The following SEC11C variants were observed in gnomAD, a reference collection of about 807,000 sequenced individuals.
The protein encoded by SEC11C is SEC11 homolog C, signal peptidase complex subunit, also known as signal peptidase complex catalytic subunit SEC11C.
SEC11C carries 10 observed loss-of-function variants against 21.9 expected under a neutral mutation model. The observed-to-expected ratio is 0.46, with a 90% confidence interval of 0.28 to 0.77. SEC11C has a LOEUF of 0.77. Among genes scored for constraint, SEC11C ranks in the 30% least tolerant of loss-of-function variants. SEC11C has a pLI of 0.12. For synonymous variants in SEC11C, 83 were observed against 85.6 expected (o/e 0.97, Z 0.17); for missense variants, 145 against 244.5 (o/e 0.59, Z 2.71).
intron 2 of SEC11C, among the ~76,000 whole-genome samples, chr18:59,150,880 G>T (rs533568859): frequency 6.6e-6 from 1 of 152,186 alleles, no homozygotes; most frequent in East Asian, 1.9e-4. Flanking sequence ...GCCAACATTA[G>T]ATCTGAGATT....
At chr18:59,147,005 T>TG (rs2069284436) in intron 1 of SEC11C, 1 of 152,224 alleles carries the variant, frequency 6.6e-6, no homozygotes, top group South Asian at 2.1e-4. Flanking sequence ...CACCTGGGAA[T>TG]GTGTCTGAAG....
chr18:59,149,493 T>C lies in SEC11C; in HGVS notation c.88-20T>C, dbSNP rs754167311. On this transcript the variant is annotated intron_variant, in intron 1 of 5. Coordinates refer to ENST00000587834, the MANE Select transcript of SEC11C (RefSeq NM_033280.4). Reference sequence around the variant, plus strand: ...CTTCTGCTATTGGTTTTCATCGTGGTTTCCTCTTTTTCATTCCAGCTCTAT... The same window carrying C: ...CTTCTGCTATTGGTTTTCATCGTGGCTTCCTCTTTTTCATTCCAGCTCTAT... The C allele has an allele frequency of 6.6e-7, 1 of 1,526,052 alleles. No individual in the cohort carries two copies. 94.5% of individuals were successfully genotyped at this position (1,526,052 alleles called of 1,614,324 possible). A position where few individuals can be genotyped will look rare whatever the true frequency, so the allele number is the denominator to read the frequency against.
chr18:59,158,542 G>T, intron 5 of SEC11C, 90 bp from the exon 6 acceptor site: 1 of 955,370 alleles, frequency 1.0e-6, no homozygotes, highest in South Asian at 1.3e-5. Flanking sequence ...TGTCCTCAGC[G>T]CAGTATTTAA....
intron 1 of SEC11C, among the ~76,000 whole-genome samples, chr18:59,144,795 G>A (rs1250226902): frequency 6.6e-6 from 1 of 150,874 alleles, no homozygotes; most frequent in Non-Finnish European, 1.5e-5. Flanking sequence ...GGAGGGTAGA[G>A]GCAGGATTAT....
At chr18:59,140,104 C>T (rs1365495190) in intron 1 of SEC11C, 69 bp downstream of exon 1, 32 of 1,380,710 alleles carry the variant, frequency 2.3e-5, no homozygotes, top group African/African-American at 3.0e-5. Context: ...CGGGGCTTCC[C>T]AGTCAGGGCT....
chr18:59,152,801 G>T, intron 3 of SEC11C, 116 bp downstream of exon 3: 1 of 867,710 alleles, frequency 1.2e-6, no homozygotes. Context: ...TTGACTCACT[G>T]GGTGACTTTG....
intron 2 of SEC11C, among the ~76,000 whole-genome samples, chr18:59,151,313 T>C (rs930449496): frequency 4.4e-5 from 5 of 113,020 alleles, no homozygotes; most frequent in African/African-American, 1.2e-4. Flanking sequence ...ATCTTAAGCA[T>C]TTTAGCTTTT....
At chr18:59,156,527 C>T (rs2069419883) in intron 4 of SEC11C, 1 of 152,138 alleles carries the variant, frequency 6.6e-6, no homozygotes, top group Admixed American at 6.6e-5. Context: ...CTGTTTTTCG[C>T]AACTAAAAAC....
intron 1 of SEC11C, 104 bp downstream of exon 1, chr18:59,140,139 G>GCTCC: frequency 9.3e-7 from 1 of 1,076,558 alleles, no homozygotes; most frequent in Non-Finnish European, 1.3e-6. Context: ...ATGCGGCCGG[G>GCTCC]CGGCCACCCG....
intron 4 of SEC11C, chr18:59,157,318 T>G (rs543784316): frequency 7.2e-6 from 2 of 277,674 alleles, no homozygotes; most frequent in Non-Finnish European, 1.3e-5. Flanking sequence ...GAAAGTTGCC[T>G]ATTCTTTTTG....
At chr18:59,152,932 A>G (rs1039709109) in intron 3 of SEC11C, 7 of 304,944 alleles carry the variant, frequency 2.3e-5, no homozygotes, top group African/African-American at 1.5e-4. Context: ...ATAAACTTAA[A>G]TTGCTGCACA....
intron 1 of SEC11C, among the ~76,000 whole-genome samples, chr18:59,141,374 T>C (rs2069208237): frequency 1.3e-5 from 2 of 152,328 alleles, no homozygotes; most frequent in Admixed American, 1.3e-4. Flanking sequence ...AAGAATATCC[T>C]CCAGGAAGCA....
rs148883849 is a variant in SEC11C, at chr18:59,155,787, C to T, written c.447C>T (p.Asp149=). 39 of 1,613,484 alleles carry T rather than the reference C, an allele frequency of 2.4e-5. No individual in the cohort carries two copies. The highest frequency in any genetic ancestry group is 4.0e-5 in the African/African-American group (3 of 74,796). The change falls in exon 4 of 6, where the codon GAC becomes GAT. Residue 149 remains aspartate, a synonymous_variant. Transcript: ENST00000587834. ...GCCAGAACTGGCTGGAAAAGAAGGA[C>T]GTGGTGGGAAGAGCAAGAGGGTGAG... ...KEGQNWLEKK[D]VVGRARGFLP...
intron 4 of SEC11C, chr18:59,156,207 A>T (rs2069416299): frequency 6.2e-6 from 1 of 161,416 alleles, no homozygotes; most frequent in African/African-American, 2.4e-5. Context: ...AAAAAAGAAG[A>T]AATATAAATC....
intron 1 of SEC11C, among the ~76,000 whole-genome samples, chr18:59,142,101 A>G (rs1258748435): frequency 1.3e-5 from 2 of 152,186 alleles, no homozygotes; most frequent in Non-Finnish European, 1.5e-5. Context: ...TAGTTCAATC[A>G]AAATTACTTT....
chr18:59,143,479 T>G (rs919837096), intron 1 of SEC11C, among the ~76,000 whole-genome samples: 1 of 152,222 alleles, frequency 6.6e-6, no homozygotes, highest in Admixed American at 6.5e-5. Context: ...CACTTTCAGT[T>G]GTATCCTTCA....
At position 59,140,115 on chromosome 18, in the gene SEC11C, C is replaced by T. The variant is rs1012885160; in HGVS notation, c.87+80C>T. Reference sequence around the variant, plus strand: ...GAGTCGGGGCTTCCCAGTCAGGGCTCCGGCTCCCAGTGAATGCGGCCGGGC... The same window carrying T: ...GAGTCGGGGCTTCCCAGTCAGGGCTTCGGCTCCCAGTGAATGCGGCCGGGC... On this transcript the variant is annotated intron_variant, in intron 1 of 5. Coordinates refer to ENST00000587834, the MANE Select transcript of SEC11C (RefSeq NM_033280.4). 6.9e-6 allele frequency: 9 copies of T among 1,298,250 alleles called. No homozygotes were observed. In the African/African-American group the frequency reaches 1.2e-4, roughly 18 times the overall value. 80.4% of individuals were successfully genotyped at this position (1,298,250 alleles called of 1,614,324 possible).
At position 59,158,668 on chromosome 18, in the gene SEC11C, C is replaced by T. The variant is rs1274255966; in HGVS notation, c.562C>T (p.Leu188=). 6.2e-7 allele frequency: 1 copy of T among 1,613,604 alleles called. No homozygotes were observed. The highest frequency in any genetic ancestry group is 8.5e-7 in the Non-Finnish European group (1 of 1,179,642). The change falls in exon 6 of 6, where the codon CTA becomes TTA. Residue 188 remains leucine, a synonymous_variant. Coordinates refer to ENST00000587834, the MANE Select transcript of SEC11C (RefSeq NM_033280.4). ...GGCTGTAATGGGTGCATATGTGTTA[C>T]TAAAACGTGAATCCTAAAATGAGAA... ...LLAVMGAYVL[L]KRES is the part of the protein sequence containing the mutation.
intron 1 of SEC11C, among the ~76,000 whole-genome samples, chr18:59,148,774 C>G (rs181783879): frequency 2.0e-5 from 3 of 152,124 alleles, no homozygotes; most frequent in Non-Finnish European, 4.4e-5. Flanking sequence ...CCGCCACGCC[C>G]GGCTAATTTT....
Sources: gnomAD v4.1 joint callset for allele counts (sites outside exome capture counted in the v4.1 genomes callset) on GRCh38, gnomAD v4.1.1 for gene constraint, MANE v1.5 for transcripts, NCBI Gene and HGNC (gene_info 2026-07-23, HGNC 2026-07-21) for gene names.